The following FAM193B variants were observed in gnomAD, a reference collection of about 807,000 sequenced individuals.
FAM193B encodes protein FAM193B.
FAM193B carries 27 observed loss-of-function variants against 70.7 expected under a neutral mutation model. The ratio of observed to expected loss-of-function variants is 0.38; its 90% CI spans 0.28 to 0.53. The LOEUF is 0.53. FAM193B is among the 20% of genes least tolerant of loss of function. The probability of loss-of-function intolerance (pLI) is 0.81; values close to 1 mark genes in which losing one functional copy is unlikely to be tolerated. For synonymous variants in FAM193B, 448 were observed against 436.0 expected (o/e 1.03, Z -0.34); for missense variants, 1,022 against 1,072.5 (o/e 0.95, Z 0.66).
intron 5 of FAM193B, among the ~76,000 whole-genome samples, chr5:177,527,465 G>C (rs1373090647): frequency 1.3e-5 from 2 of 152,220 alleles, no homozygotes; most frequent in East Asian, 3.8e-4. Context: ...AGGGCTTTTG[G>C]TGCTGGGTAG....
intron 5 of FAM193B, among the ~76,000 whole-genome samples, chr5:177,529,886 C>T (rs1763189669): frequency 6.6e-6 from 1 of 152,182 alleles, no homozygotes; most frequent in Non-Finnish European, 1.5e-5. Flanking sequence ...CAGTGCTGAC[C>T]ACCTTCAGAA....
intron 1 of FAM193B, among the ~76,000 whole-genome samples, chr5:177,542,563 C>A (rs746286065): frequency 2.0e-5 from 3 of 152,208 alleles, no homozygotes; most frequent in African/African-American, 7.2e-5. Flanking sequence ...TCCCCTCAAC[C>A]CCATGAAGTC....
intron 4 of FAM193B, among the ~76,000 whole-genome samples, chr5:177,533,006 C>T (rs1022633858): frequency 6.6e-6 from 1 of 152,230 alleles, no homozygotes; most frequent in Non-Finnish European, 1.5e-5. Flanking sequence ...GCCTCAAGGG[C>T]AGGGGCTGTG....
At position 177,532,621 on chromosome 5, in the gene FAM193B, T is replaced by G; in HGVS notation, c.1097A>C (p.His366Pro). 1 of 1,561,644 alleles carries G rather than the reference T, an allele frequency of 6.4e-7. No homozygotes were observed. Among genetic ancestry groups the G allele is most frequent in the Non-Finnish European group, 8.6e-7 (1 of 1,161,244 alleles). The part of the protein sequence containing the change: ...STHRDPGCKG[H>P]KFAHSGLACQ... Reference sequence around the variant, plus strand: ...AGCCAGGCCACTGTGTGCAAACTTGTGCCCCTTGCACCCGGGATCCCTGAT... The same window carrying G: ...AGCCAGGCCACTGTGTGCAAACTTGGGCCCCTTGCACCCGGGATCCCTGAT... Residue 366 changes from histidine to proline, a missense_variant, in exon 5 of 9, where the codon CAC (histidine) becomes CCC (proline). Physicochemically the swap from His to Pro is moderately conservative, Grantham distance 77. Coordinates refer to ENST00000514747, the MANE Select transcript of FAM193B (RefSeq NM_001190946.3). This position sits in a 1 kb window ranked among gnomAD's most constrained non-coding sequence, Gnocchi z 4.9.
In FAM193B at chr5:177,536,475, A is replaced by G; in HGVS notation, c.959T>C (p.Leu320Pro). The change falls in exon 4 of 9, where the codon CTG becomes CCG. Residue 320 changes from leucine (L) to proline (P), a missense_variant. By Grantham distance (98) the Leu-to-Pro change is moderately conservative. Coordinates refer to ENST00000514747, the MANE Select transcript of FAM193B (RefSeq NM_001190946.3). ...SHLPSTSMPL[L>P]KMPPPFSGCS... The stretch of plus-strand genomic sequence containing the variant: ...CCCCGAGAATGGTGGGGGCATCTTC[A>G]GGAGCGGCATGCTGGTGGAGGGTAG... 1.9e-6 allele frequency: 3 copies of G among 1,581,994 alleles called. No homozygotes were observed. The highest frequency in any genetic ancestry group is 2.6e-6 in the Non-Finnish European group (3 of 1,168,678).
intron 4 of FAM193B, among the ~76,000 whole-genome samples, chr5:177,535,832 G>A (rs530247929): frequency 1.3e-5 from 2 of 152,086 alleles, no homozygotes; most frequent in East Asian, 3.9e-4. Context: ...TAGAAGTTTA[G>A]GTTGTGAAGA....
intron 7 of FAM193B, among the ~76,000 whole-genome samples, chr5:177,522,497 T>A (rs182173959): frequency 2.3e-4 from 35 of 152,278 alleles, no homozygotes; most frequent in Admixed American, 1.6e-3. Flanking sequence ...TACTTTTTTT[T>A]AAAATTACTA....
chr5:177,524,648 C>G lies in FAM193B; in HGVS notation c.1833G>C (p.Glu611Asp), dbSNP rs1317374847. The G allele has an allele frequency of 6.2e-7, 1 of 1,612,664 alleles. No homozygotes were observed. Among genetic ancestry groups the G allele is most frequent in the East Asian group, 2.2e-5 (1 of 44,870 alleles). ...TPKPGYPSSE[E>D]PSSKEVPSCK... The stretch of plus-strand genomic sequence containing the variant: ...AACTGGGAACTTCCTTTGAGCTTGG[C>G]TCCTCGGAGCTGGGGTAGCCCGGCT... The change falls in exon 6 of 9, where the codon GAG becomes GAC. Residue 611 changes from glutamate to aspartate, a missense_variant. Glu to Asp is a conservative substitution (Grantham distance 45). Transcript: ENST00000514747.
rs753130896 is a variant in FAM193B, at chr5:177,537,895, A to G, written c.666T>C (p.Leu222=). The part of the protein sequence containing the change: ...HSSGAMPGSS[L]GSPPTIPGEA... ...CACCGGGGATGGTAGGAGGACTCCC[A>G]AGAGAGCTGCCTGGCATGGCCCCAC... Residue 222 remains leucine (L), a synonymous_variant, in exon 3 of 9, where the codon CTT becomes CTC. Coordinates refer to ENST00000514747, the MANE Select transcript of FAM193B (RefSeq NM_001190946.3). The G allele has an allele frequency of 6.2e-7, 1 of 1,607,742 alleles. No homozygotes were observed. Among genetic ancestry groups the G allele is most frequent in the South Asian group, 1.1e-5 (1 of 89,434 alleles).
intron 4 of FAM193B, among the ~76,000 whole-genome samples, chr5:177,534,608 A>T (rs1763961439): frequency 6.6e-6 from 1 of 151,706 alleles, no homozygotes; most frequent in African/African-American, 2.4e-5. Context: ...GGCCAGCAAA[A>T]TTGATTTTAT....
intron 1 of FAM193B, among the ~76,000 whole-genome samples, chr5:177,551,817 T>G (rs936303255): frequency 6.6e-6 from 1 of 152,190 alleles, no homozygotes; most frequent in African/African-American, 2.4e-5. Flanking sequence ...GGGTTATGAG[T>G]GGCAATGGGA....
In FAM193B at chr5:177,536,344, T is replaced by TGC. The variant is rs776209682; in HGVS notation, c.1076+12_1076+13dup. 2.5e-6 allele frequency: 4 copies of TGC among 1,605,080 alleles called. No homozygotes were observed. Among genetic ancestry groups the TGC allele is most frequent in the Non-Finnish European group, 1.7e-6 (2 of 1,177,224 alleles). On this transcript the variant is annotated intron_variant, in intron 4 of 8. Coordinates refer to ENST00000514747, the MANE Select transcript of FAM193B (RefSeq NM_001190946.3). ...AAGTGGGTAGCGAGTTTGCCCTTCATGCAGCACACTTACCTGTGAGTGCTA... is the reference window on the plus strand; with the variant it reads ...AAGTGGGTAGCGAGTTTGCCCTTCATGCGCAGCACACTTACCTGTGAGTGCTA...
intron 1 of FAM193B, chr5:177,553,886 T>TG: frequency 8.1e-7 from 1 of 1,234,686 alleles, no homozygotes; most frequent in Non-Finnish European, 1.0e-6. Flanking sequence ...AGATGGCCTG[T>TG]GGCTGAGGGA....
chr5:177,527,773 C>G (rs879542778), intron 5 of FAM193B, among the ~76,000 whole-genome samples: 3 of 152,186 alleles, frequency 2.0e-5, no homozygotes, highest in Admixed American at 2.0e-4. Context: ...TGATGCACTC[C>G]CCAGGCGGGC....
At chr5:177,534,736 C>G (rs952359207) in intron 4 of FAM193B, among the ~76,000 whole-genome samples, 3 of 152,200 alleles carry the variant, frequency 2.0e-5, no homozygotes, top group African/African-American at 7.2e-5. Flanking sequence ...CTTCAGCCCC[C>G]GCAACCTAAG....
chr5:177,553,647 G>C (rs1178436426), intron 1 of FAM193B: 1 of 1,275,218 alleles, frequency 7.8e-7, no homozygotes, highest in South Asian at 1.3e-5. Context: ...GAGCAGGGGA[G>C]GGAAGAAGGG....
intron 1 of FAM193B, among the ~76,000 whole-genome samples, chr5:177,550,979 A>T (rs1766146450): frequency 6.7e-6 from 1 of 149,930 alleles, no homozygotes; most frequent in Non-Finnish European, 1.5e-5. Flanking sequence ...ATAGGTGTGA[A>T]CCCATGCCCA....
intron 1 of FAM193B, among the ~76,000 whole-genome samples, chr5:177,540,305 TCA>T (rs1764700884): frequency 1.4e-5 from 1 of 70,896 alleles, no homozygotes; most frequent in Non-Finnish European, 2.7e-5. Context: ...AGACTCCGTC[TCA>T]AAAAAAAAAA....
chr5:177,538,858 G>T lies in FAM193B; in HGVS notation c.453+47C>A. Reference sequence around the variant, plus strand: ...GACAGGGAACAGCCTGACTTCCTTGGGGAGGAGCCCTCCTGCATTCAGGGA... The same window carrying T: ...GACAGGGAACAGCCTGACTTCCTTGTGGAGGAGCCCTCCTGCATTCAGGGA... On this transcript the variant is annotated intron_variant, in intron 2 of 8. Transcript: ENST00000514747. The surrounding 1 kb of genome is among the most constrained non-coding windows in gnomAD (Gnocchi z 4.1). 1 of 1,606,062 alleles carries T rather than the reference G, an allele frequency of 6.2e-7. No homozygotes were observed. Among genetic ancestry groups the T allele is most frequent in the South Asian group, 1.1e-5 (1 of 90,006 alleles).
Sources: gnomAD v4.1 joint callset for allele counts (sites outside exome capture counted in the v4.1 genomes callset) on GRCh38, gnomAD v4.1.1 for gene constraint, Gnocchi (gnomAD v3.1) non-coding constraint, MANE v1.5 for transcripts, NCBI Gene and HGNC (gene_info 2026-07-23, HGNC 2026-07-21) for gene names.